The following HDAC9 variants were observed in gnomAD, a reference collection of about 807,000 sequenced individuals.
HDAC9 encodes the protein MEF-2 interacting transcription repressor (MITR) protein.
A neutral mutation model predicts 139.4 loss-of-function variants in HDAC9; 41 were observed. The observed-to-expected ratio is 0.29, with a 90% CI of 0.23 to 0.38. The LOEUF is 0.38. Among genes scored for constraint, HDAC9 ranks in the 10% least tolerant of loss-of-function variants. HDAC9 has a pLI of 1.00. For synonymous variants in HDAC9, 517 were observed against 476.2 expected (o/e 1.09, Z -1.12); for missense variants, 1,147 against 1,297.0 (o/e 0.88, Z 1.78).
chr7:18,479,859 A>ATATATAT (rs1795406490), intron 1 of HDAC9, among the ~76,000 whole-genome samples: 2 of 151,952 alleles, frequency 1.3e-5, no homozygotes, highest in African/African-American at 4.8e-5. Flanking sequence ...CATAATATTG[A>ATATATAT]AGTGTGAGAG....
intron 17 of HDAC9, among the ~76,000 whole-genome samples, chr7:18,794,043 C>G (rs183926190): frequency 1.5e-4 from 23 of 152,182 alleles, no homozygotes; most frequent in Non-Finnish European, 2.1e-4. Flanking sequence ...CAAACCCCAG[C>G]GTTTCCCAGT....
intron 1 of HDAC9, among the ~76,000 whole-genome samples, chr7:18,339,390 T>A (rs952754768): frequency 2.0e-5 from 3 of 151,498 alleles, no homozygotes; most frequent in African/African-American, 7.3e-5. Context: ...TTTTCTACTA[T>A]AGGCACTTAA....
chr7:18,666,809 A>C (rs1452941375), intron 12 of HDAC9: 2 of 1,094,116 alleles, frequency 1.8e-6, no homozygotes, highest in African/African-American at 3.3e-5. Context: ...TTACTTCTAA[A>C]GAAAACAAAT....
chr7:18,380,097 C>G (rs989297733), intron 1 of HDAC9, among the ~76,000 whole-genome samples: 4 of 152,106 alleles, frequency 2.6e-5, no homozygotes, highest in Non-Finnish European at 4.4e-5. Flanking sequence ...CTAGTGAATA[C>G]AAATGTATCA....
At chr7:18,889,687 C>G (rs1800502799) in intron 22 of HDAC9, among the ~76,000 whole-genome samples, 1 of 152,074 alleles carries the variant, frequency 6.6e-6, no homozygotes. Context: ...ACACATGGGT[C>G]TGCCACTTTT....
chr7:18,842,760 T>C (rs1796667694), intron 21 of HDAC9, among the ~76,000 whole-genome samples: 1 of 152,166 alleles, frequency 6.6e-6, no homozygotes, highest in Non-Finnish European at 1.5e-5. Context: ...TGTCTCTAGA[T>C]ACCCTTAGAA....
intron 25 of HDAC9, among the ~76,000 whole-genome samples, chr7:18,994,466 C>T (rs1268782796): frequency 6.6e-6 from 1 of 152,174 alleles, no homozygotes; most frequent in African/African-American, 2.4e-5. Flanking sequence ...CCTCTAAACT[C>T]TCTCTCACAA....
intron 2 of HDAC9, among the ~76,000 whole-genome samples, chr7:18,227,112 A>G (rs766482549): frequency 6.6e-6 from 1 of 152,210 alleles, no homozygotes. Context: ...AGATGGGTGC[A>G]TACACATAAG....
chr7:18,450,086 T>C lies in HDAC9; in HGVS notation c.-41-46176T>C, dbSNP rs115229448. Among the ~76,000 whole-genome samples the C allele has an allele frequency of 7.7e-3, 1,168 of 152,290 alleles. 15 individuals carry two copies. Among genetic ancestry groups the C allele is most frequent in the African/African-American group, 0.027 (1,106 of 41,572 alleles). On this transcript the variant is annotated intron_variant, in intron 1 of 3. Coordinates refer to the HDAC9 transcript ENST00000413509. ...TGAGTTGAGGCTGCATGGCCACTTA[T>C]GGGAGAAGTAAGTGGACTCAGACTA...
At chr7:18,357,250 GA>G (rs950903395) in intron 1 of HDAC9, among the ~76,000 whole-genome samples, 35 of 152,110 alleles carry the variant, frequency 2.3e-4, no homozygotes, top group Admixed American at 2.0e-3. Flanking sequence ...ATATATATGT[GA>G]AAAAGGGTAG....
At chr7:18,187,531 T>C (rs1294934960) in intron 2 of HDAC9, among the ~76,000 whole-genome samples, 2 of 152,210 alleles carry the variant, frequency 1.3e-5, no homozygotes, top group East Asian at 3.9e-4. Flanking sequence ...TGGCACCATC[T>C]TTAAAACTCT....
rs141599758 is a variant in HDAC9, at chr7:18,453,512, A to C, written c.-41-42750A>C. On this transcript the variant is annotated intron_variant, in intron 1 of 3. Coordinates refer to the HDAC9 transcript ENST00000413509. Reference sequence around the variant, plus strand: ...GAGTATTATGTTAAGAAAGAGGCTGAGGTTTGTCGGAAAAGAATTAGTAGT... The same window carrying C: ...GAGTATTATGTTAAGAAAGAGGCTGCGGTTTGTCGGAAAAGAATTAGTAGT... Among the ~76,000 whole-genome samples the C allele has an allele frequency of 2.0e-3, 309 of 152,282 alleles. 1 individual carries two copies. Among genetic ancestry groups the C allele is most frequent in the African/African-American group, 6.1e-3 (255 of 41,566 alleles).
intron 21 of HDAC9, among the ~76,000 whole-genome samples, chr7:18,850,089 A>T (rs879898139): frequency 9.2e-5 from 14 of 151,770 alleles, no homozygotes; most frequent in Non-Finnish European, 1.8e-4. Flanking sequence ...AGTAAAAAAA[A>T]AAAAAAAAAA....
intron 25 of HDAC9, 65 bp downstream of exon 25, chr7:18,976,018 G>C (rs1784526707): frequency 2.0e-6 from 3 of 1,522,670 alleles, no homozygotes; most frequent in Non-Finnish European, 2.7e-6. Context: ...TGATATTTGT[G>C]AATCTTCCTC....
intron 25 of HDAC9, among the ~76,000 whole-genome samples, chr7:18,994,429 A>C (rs951860948): frequency 1.3e-5 from 2 of 152,330 alleles, no homozygotes; most frequent in East Asian, 3.9e-4. Context: ...ACTTTTCTGA[A>C]GTATGACTCA....
At chr7:18,514,105 C>A (rs1325331439) in intron 2 of HDAC9, among the ~76,000 whole-genome samples, 1 of 152,142 alleles carries the variant, frequency 6.6e-6, no homozygotes, top group Non-Finnish European at 1.5e-5. Context: ...TTTGATACCT[C>A]AAAACAATCT....
At chr7:18,962,444 C>T (rs962561924) in intron 24 of HDAC9, among the ~76,000 whole-genome samples, 2 of 152,050 alleles carry the variant, frequency 1.3e-5, no homozygotes, top group African/African-American at 4.8e-5. Context: ...TGGTGGCGCC[C>T]TAATACTAGA....
chr7:18,487,926 C>T (rs899796638), intron 1 of HDAC9, among the ~76,000 whole-genome samples: 2 of 151,986 alleles, frequency 1.3e-5, no homozygotes, highest in African/African-American at 4.8e-5. Context: ...CTTGTCACAG[C>T]TCTCAAATGT....
intron 2 of HDAC9, among the ~76,000 whole-genome samples, chr7:18,227,903 G>A (rs925508125): frequency 6.6e-6 from 1 of 152,038 alleles, no homozygotes; most frequent in African/African-American, 2.4e-5. Flanking sequence ...TTTCTAAGCC[G>A]CTGTGCTAAT....
Sources: gnomAD v4.1 joint callset for allele counts (sites outside exome capture counted in the v4.1 genomes callset) on GRCh38, gnomAD v4.1.1 for gene constraint, MANE v1.5 for transcripts, NCBI Gene and HGNC (gene_info 2026-07-23, HGNC 2026-07-21) for gene names.